Variants in GRM8 observed in about 807,000 individuals in gnomAD.
The protein encoded by GRM8 is glutamate metabotropic receptor 8, also known as metabotropic glutamate receptor 8.
A neutral mutation model predicts 87.2 loss-of-function variants in GRM8; 47 were observed. The observed-to-expected ratio is 0.54, with a 90% CI of 0.43 to 0.69. GRM8 has a LOEUF of 0.69. Among genes scored for constraint, GRM8 ranks in the 30% least tolerant of loss-of-function variants. GRM8 has a pLI of 0.00. For missense variants in GRM8, 1,019 were observed against 1,139.2 expected (o/e 0.89, Z 1.52); for synonymous variants, 396 against 404.5 (o/e 0.98, Z 0.25).
intron 7 of GRM8, among the ~76,000 whole-genome samples, chr7:126,733,169 AC>A (rs896425672): frequency 6.6e-6 from 1 of 152,000 alleles, no homozygotes; most frequent in Non-Finnish European, 1.5e-5. Context: ...TCACTAACTC[AC>A]CTATAAAGAG....
intron 7 of GRM8, among the ~76,000 whole-genome samples, chr7:126,709,584 T>C (rs1810895197): frequency 6.6e-6 from 1 of 152,122 alleles, no homozygotes; most frequent in South Asian, 2.1e-4. Flanking sequence ...GGGAATGTAC[T>C]AGAACAGCTA....
chr7:126,805,412 G>A (rs1263034359), intron 6 of GRM8, among the ~76,000 whole-genome samples: 1 of 152,232 alleles, frequency 6.6e-6, no homozygotes, highest in Non-Finnish European at 1.5e-5. Flanking sequence ...TTAGGCAAGT[G>A]ATGGTGGCTG....
rs563477576 is a variant in GRM8 at position 126,797,943 on chromosome 7, T to C, written c.1157-27878A>G. Among the ~76,000 whole-genome samples the C allele has an allele frequency of 3.6e-4, 55 of 152,218 alleles. 1 individual carries two copies. The South Asian group carries it at 8.7e-3, about 24-fold the overall frequency. On this transcript the variant is annotated intron_variant, in intron 6 of 10. Transcript: ENST00000339582. ...ATGGAGACAACAAATATTGAACTGA[T>C]AGTATTTGAAAAATGATTTGAGATT...
At chr7:126,870,297 G>A (rs998082970) in intron 6 of GRM8, 1 of 152,110 alleles carries the variant, frequency 6.6e-6, no homozygotes, top group Non-Finnish European at 1.5e-5. Flanking sequence ...CTCCATATCA[G>A]CAGTAAGCAT....
chr7:126,729,649 G>A (rs1813384097), intron 7 of GRM8, among the ~76,000 whole-genome samples: 1 of 152,108 alleles, frequency 6.6e-6, no homozygotes, highest in East Asian at 1.9e-4. Context: ...GCAGATACTG[G>A]GTAACTGACT....
At chr7:126,714,549 T>G (rs1248124769) in intron 7 of GRM8, among the ~76,000 whole-genome samples, 1 of 152,010 alleles carries the variant, frequency 6.6e-6, no homozygotes, top group Non-Finnish European at 1.5e-5. Context: ...TGGCTTCAAA[T>G]CCTGTGCTTT....
intron 3 of GRM8, among the ~76,000 whole-genome samples, chr7:127,051,761 A>G (rs1465940369): frequency 6.6e-6 from 1 of 150,838 alleles, no homozygotes; most frequent in Non-Finnish European, 1.5e-5. Context: ...AAAAAAAAAA[A>G]AAAAGCAGGT....
intron 3 of GRM8, among the ~76,000 whole-genome samples, chr7:127,043,664 A>C (rs1414025125): frequency 1.3e-5 from 2 of 152,208 alleles, no homozygotes; most frequent in Non-Finnish European, 2.9e-5. Context: ...ACCTAATGTT[A>C]AATGATGAGT....
At chr7:126,667,908 G>T (rs1006331809) in intron 7 of GRM8, among the ~76,000 whole-genome samples, 1 of 152,242 alleles carries the variant, frequency 6.6e-6, no homozygotes, top group African/African-American at 2.4e-5. Flanking sequence ...ACGGGAAGCA[G>T]CAAGAACAGA....
intron 9 of GRM8, among the ~76,000 whole-genome samples, chr7:126,449,171 A>T (rs1356612801): frequency 2.6e-5 from 4 of 151,790 alleles, no homozygotes; most frequent in African/African-American, 9.7e-5. Context: ...ACTTAAATAC[A>T]TTTTTTTAAA....
intron 2 of GRM8, among the ~76,000 whole-genome samples, chr7:127,125,518 A>G (rs1010059319): frequency 1.3e-5 from 2 of 152,028 alleles, no homozygotes; most frequent in Admixed American, 1.3e-4. Flanking sequence ...AAATACTAGA[A>G]GAAAATCTAG....
chr7:126,595,428 A>ATT (rs773188156), intron 8 of GRM8, among the ~76,000 whole-genome samples: 4 of 101,164 alleles, frequency 4.0e-5, no homozygotes, highest in South Asian at 3.3e-4. Flanking sequence ...ATTTTATTTT[A>ATT]TTATTTTATT....
chr7:127,131,955 A>T (rs1376312535), intron 2 of GRM8, among the ~76,000 whole-genome samples: 1 of 152,216 alleles, frequency 6.6e-6, no homozygotes, highest in African/African-American at 2.4e-5. Context: ...TTATAACTCT[A>T]ATAACATTTT....
intron 2 of GRM8, among the ~76,000 whole-genome samples, chr7:127,168,764 C>T (rs918572312): frequency 2.0e-5 from 3 of 151,786 alleles, no homozygotes; most frequent in African/African-American, 7.3e-5. Flanking sequence ...AACAGAAAAC[C>T]AAACACTGCA....
At chr7:126,944,385 C>G (rs1807302354) in intron 3 of GRM8, among the ~76,000 whole-genome samples, 1 of 152,146 alleles carries the variant, frequency 6.6e-6, no homozygotes, top group African/African-American at 2.4e-5. Context: ...GCCTGGAGTC[C>G]TGGCCTTGGG....
intron 7 of GRM8, among the ~76,000 whole-genome samples, chr7:126,715,076 C>G (rs767014810): frequency 3.1e-4 from 47 of 152,186 alleles, no homozygotes; most frequent in Non-Finnish European, 6.2e-4. Flanking sequence ...TGACTTTTCT[C>G]TGTTTCTTGG....
At chr7:127,155,327 A>T (rs548642748) in intron 2 of GRM8, among the ~76,000 whole-genome samples, 1 of 152,288 alleles carries the variant, frequency 6.6e-6, no homozygotes, top group Admixed American at 6.5e-5. Flanking sequence ...ACTCTCTAGA[A>T]TCATAGCTAT....
chr7:126,697,332 G>A (rs1809495290), intron 7 of GRM8, among the ~76,000 whole-genome samples: 1 of 152,048 alleles, frequency 6.6e-6, no homozygotes, highest in East Asian at 1.9e-4. Flanking sequence ...ACAGCATGAG[G>A]ACTACAGCTA....
At position 126,439,131 on chromosome 7, in the gene GRM8, A is replaced by G; in HGVS notation, c.2715T>C (p.Asn905=). 6.4e-7 allele frequency: 1 copy of G among 1,573,836 alleles called. No individual in the cohort carries two copies. Among genetic ancestry groups the G allele is most frequent in the Non-Finnish European group, 8.7e-7 (1 of 1,143,580 alleles). ...STKTTYISYS[N]HSI The stretch of plus-strand genomic sequence containing the variant: ...CCATTTCCCTGTTTCAGATTGAATG[A>G]TTGCTGTAACTGATATATGTTGTCT... The change falls in exon 11 of 11, where the codon AAT becomes AAC. Residue 905 remains asparagine (N), a synonymous_variant. Coordinates refer to ENST00000339582, the MANE Select transcript of GRM8 (RefSeq NM_000845.3).
Sources: gnomAD v4.1 joint callset for allele counts (sites outside exome capture counted in the v4.1 genomes callset) on GRCh38, gnomAD v4.1.1 for gene constraint, MANE v1.5 for transcripts, NCBI Gene and HGNC (gene_info 2026-07-23, HGNC 2026-07-21) for gene names.